SLC2A13: variants seen among roughly 807,000 people sequenced by gnomAD.
SLC2A13 encodes proton myo-inositol cotransporter.
In SLC2A13, 32 loss-of-function variants were observed where a neutral mutation model predicts 64.4. The ratio of observed to expected loss-of-function variants is 0.50; its 90% CI spans 0.37 to 0.67. The LOEUF is 0.67. SLC2A13 is among the 30% of genes least tolerant of loss of function. The pLI, the probability that SLC2A13 is intolerant of heterozygous loss-of-function variation, is 0.00. For missense variants in SLC2A13, 743 were observed against 829.2 expected, an observed-to-expected ratio of 0.90 and a Z score of 1.28; for synonymous variants, 338 against 327.1, an observed-to-expected ratio of 1.03 and a Z score of -0.36.
At chr12:40,080,582 G>A (rs1474898980) in intron 1 of SLC2A13, among the ~76,000 whole-genome samples, 1 of 152,050 alleles carries the variant, frequency 6.6e-6, no homozygotes. Context: ...GGTAGAGACG[G>A]GGTTTCATCA....
At chr12:40,073,019 C>T (rs901748666) in intron 1 of SLC2A13, among the ~76,000 whole-genome samples, 2 of 152,014 alleles carry the variant, frequency 1.3e-5, no homozygotes, top group African/African-American at 2.4e-5. Context: ...GGTTATACTG[C>T]TTTCATTACT....
intron 7 of SLC2A13, among the ~76,000 whole-genome samples, chr12:39,807,083 T>A (rs1942001835): frequency 6.6e-6 from 1 of 150,902 alleles, no homozygotes; most frequent in Non-Finnish European, 1.5e-5. Context: ...CCACTGAAAG[T>A]AATTGCAACA....
intron 6 of SLC2A13, among the ~76,000 whole-genome samples, chr12:39,860,009 C>T (rs1452777937): frequency 6.6e-6 from 1 of 152,056 alleles, no homozygotes; most frequent in African/African-American, 2.4e-5. Context: ...AAACCATGTC[C>T]TTGGTCCAAA....
intron 3 of SLC2A13, among the ~76,000 whole-genome samples, chr12:39,963,210 C>G (rs1405432185): frequency 6.7e-6 from 1 of 148,508 alleles, no homozygotes; most frequent in African/African-American, 2.5e-5. Context: ...TGGCGTGAAT[C>G]CAGGAGGTGG....
intron 4 of SLC2A13, among the ~76,000 whole-genome samples, chr12:39,888,175 A>G (rs1351811045): frequency 1.3e-5 from 2 of 152,274 alleles, no homozygotes; most frequent in East Asian, 3.9e-4. Flanking sequence ...TGCCCAGTTC[A>G]TGGGAGAAAA....
At chr12:40,001,500 A>G (rs1243203189) in intron 3 of SLC2A13, among the ~76,000 whole-genome samples, 1 of 152,100 alleles carries the variant, frequency 6.6e-6, no homozygotes, top group Non-Finnish European at 1.5e-5. Context: ...TTTTCATTTC[A>G]CTCTCCCAAT....
At chr12:39,769,890 T>C (rs1940499855) in intron 7 of SLC2A13, among the ~76,000 whole-genome samples, 1 of 152,072 alleles carries the variant, frequency 6.6e-6, no homozygotes, top group East Asian at 1.9e-4. Context: ...AACTTTTATG[T>C]GGTCTTTTTC....
At chr12:40,048,235 G>A (rs1421075163) in intron 1 of SLC2A13, 25 bp from the exon 2 acceptor site, 1 of 1,578,990 alleles carries the variant, frequency 6.3e-7, no homozygotes, top group East Asian at 2.3e-5. Flanking sequence ...AAAAGTAAAT[G>A]TGAGACATTT....
At chr12:39,828,399 T>C (rs1404564603) in intron 7 of SLC2A13, among the ~76,000 whole-genome samples, 2 of 152,116 alleles carry the variant, frequency 1.3e-5, no homozygotes, top group African/African-American at 4.8e-5. Flanking sequence ...TACAGGATGA[T>C]GGTATAAAAA....
At position 39,758,552 on chromosome 12, in the gene SLC2A13, A is replaced by T. The variant is rs918139163; in HGVS notation, c.*1474T>A. ...CTAGCAAGTAATTTTGTGATCAAGT[A>T]ATTTTGTACATACTATATAGTTCTT... On this transcript the variant is annotated 3_prime_UTR_variant, in exon 10 of 10. Transcript: ENST00000280871. 1 of 151,990 alleles carries T rather than the reference A, an allele frequency of 6.6e-6. No individual in the cohort carries two copies. Among genetic ancestry groups the T allele is most frequent in the African/African-American group, 2.4e-5 (1 of 41,412 alleles). 9.4% of individuals were successfully genotyped at this position (151,990 alleles called of 1,614,324 possible).
intron 3 of SLC2A13, among the ~76,000 whole-genome samples, chr12:40,021,948 G>A (rs753251591): frequency 1.3e-5 from 2 of 152,118 alleles, no homozygotes; most frequent in Non-Finnish European, 2.9e-5. Flanking sequence ...ATGATTTGCT[G>A]AAAGGGCCAC....
intron 4 of SLC2A13, among the ~76,000 whole-genome samples, chr12:39,879,608 G>A (rs1944290739): frequency 6.6e-6 from 1 of 152,126 alleles, no homozygotes. Flanking sequence ...CTTTCTTTTG[G>A]CTGATTTCTC....
At chr12:40,033,741 T>G (rs1592025061) in intron 2 of SLC2A13, among the ~76,000 whole-genome samples, 1 of 152,152 alleles carries the variant, frequency 6.6e-6, no homozygotes, top group African/African-American at 2.4e-5. Flanking sequence ...CAGGAAAAAT[T>G]TGGATAACAA....
At chr12:39,866,005 C>A (rs557206433) in intron 5 of SLC2A13, among the ~76,000 whole-genome samples, 2 of 152,280 alleles carry the variant, frequency 1.3e-5, no homozygotes, top group South Asian at 4.1e-4. Flanking sequence ...AACGAGCCTG[C>A]ACATGTACCC....
At chr12:39,959,957 T>C (rs531197564) in intron 3 of SLC2A13, among the ~76,000 whole-genome samples, 65 of 152,306 alleles carry the variant, frequency 4.3e-4, no homozygotes, top group African/African-American at 1.5e-3. Context: ...ATTAGCTATT[T>C]ATCCTGATGC....
chr12:40,100,739 A>C (rs769012868), intron 1 of SLC2A13, among the ~76,000 whole-genome samples: 39 of 152,086 alleles, frequency 2.6e-4, no homozygotes, highest in Non-Finnish European at 3.8e-4. Context: ...CGAAGCAGGC[A>C]GATCACCTGA....
intron 1 of SLC2A13, among the ~76,000 whole-genome samples, chr12:40,088,927 G>T (rs1278125106): frequency 6.6e-6 from 1 of 152,184 alleles, no homozygotes; most frequent in Non-Finnish European, 1.5e-5. Flanking sequence ...GGTTTTGAGA[G>T]TCTATTAGTC....
chr12:39,849,555 G>A (rs1458356719), intron 6 of SLC2A13, among the ~76,000 whole-genome samples: 1 of 152,150 alleles, frequency 6.6e-6, no homozygotes, highest in Admixed American at 6.5e-5. Flanking sequence ...GTGCTTCTCT[G>A]ACTGAGGTGG....
intron 7 of SLC2A13, among the ~76,000 whole-genome samples, chr12:39,772,867 GCTC>G (rs1168638311): frequency 3.5e-5 from 2 of 56,726 alleles, no homozygotes; most frequent in East Asian, 3.1e-4. Context: ...AGGCCAAGTA[GCTC>G]CTCATCATCC....
Sources: allele counts gnomAD v4.1 joint callset (sites outside exome capture counted in the v4.1 genomes callset), GRCh38; gene constraint gnomAD v4.1.1; transcripts MANE v1.5; gene names NCBI Gene and HGNC (gene_info 2026-07-23, HGNC 2026-07-21).